Variants in GRIP1 observed in about 807,000 individuals in gnomAD.
The protein encoded by GRIP1 is glutamate receptor-interacting protein 1.
Under a neutral mutation model 129.9 loss-of-function variants are expected in GRIP1, and 45 were observed. The ratio of observed to expected loss-of-function variants is 0.35; its 90% CI spans 0.27 to 0.44. The LOEUF is 0.44. Ranked by LOEUF, GRIP1 falls within the 20% of genes least tolerant of loss-of-function variation. GRIP1 has a pLI of 1.00. For synonymous variants in GRIP1, 530 were observed against 520.8 expected (o/e 1.02, Z -0.24); for missense variants, 1,196 against 1,396.8 (o/e 0.86, Z 2.29).
At chr12:66,717,241 T>C (rs1592771936) in intron 1 of GRIP1, among the ~76,000 whole-genome samples, 1 of 152,152 alleles carries the variant, frequency 6.6e-6, no homozygotes, top group East Asian at 1.9e-4. Flanking sequence ...GAGGGCAGTA[T>C]GTACATGCCA....
At chr12:66,821,687 G>A (rs952257179) in intron 1 of GRIP1, among the ~76,000 whole-genome samples, 1 of 152,130 alleles carries the variant, frequency 6.6e-6, no homozygotes, top group Admixed American at 6.5e-5. Context: ...ACACTTCTGG[G>A]TTTTGGAAAC....
At chr12:66,658,392 C>T (rs1340060840) in intron 1 of GRIP1, among the ~76,000 whole-genome samples, 1 of 152,128 alleles carries the variant, frequency 6.6e-6, no homozygotes, top group African/African-American at 2.4e-5. Context: ...TCTTGTATTC[C>T]TGTAATCCAT....
chr12:66,506,871 A>G (rs935048452), intron 7 of GRIP1, among the ~76,000 whole-genome samples: 5 of 122,298 alleles, frequency 4.1e-5, no homozygotes, highest in African/African-American at 1.6e-4. Context: ...TTCTGCAAAA[A>G]TAAACCTTTT....
At chr12:66,549,151 A>G (rs2062042767) in intron 2 of GRIP1, among the ~76,000 whole-genome samples, 1 of 152,196 alleles carries the variant, frequency 6.6e-6, no homozygotes, top group Non-Finnish European at 1.5e-5. Context: ...TATCTCCAGC[A>G]TCTAGAATAG....
intron 19 of GRIP1, among the ~76,000 whole-genome samples, chr12:66,385,460 T>G (rs960281574): frequency 1.6e-4 from 25 of 151,984 alleles, no homozygotes; most frequent in Non-Finnish European, 1.5e-5. Flanking sequence ...CACTTGAACC[T>G]GGGAGGCAGA....
At chr12:66,761,340 C>T (rs1333376280) in intron 1 of GRIP1, among the ~76,000 whole-genome samples, 1 of 152,086 alleles carries the variant, frequency 6.6e-6, no homozygotes, top group Non-Finnish European at 1.5e-5. Flanking sequence ...CCATGTCCTC[C>T]AGCCAGAGCT....
chr12:66,769,583 A>G (rs1024104394), intron 1 of GRIP1, among the ~76,000 whole-genome samples: 3 of 152,132 alleles, frequency 2.0e-5, no homozygotes, highest in Non-Finnish European at 4.4e-5. Context: ...CCATTTTCAG[A>G]ACACATGTCT....
chr12:67,053,096 G>A (rs1351247499), intron 1 of GRIP1, among the ~76,000 whole-genome samples: 1 of 152,116 alleles, frequency 6.6e-6, no homozygotes, highest in East Asian at 1.9e-4. Flanking sequence ...AATCCATGAG[G>A]GGCCTTTGAT....
intron 1 of GRIP1, among the ~76,000 whole-genome samples, chr12:67,044,003 G>A (rs1322440431): frequency 6.6e-6 from 1 of 152,194 alleles, no homozygotes; most frequent in East Asian, 1.9e-4. Flanking sequence ...CCACCCACGG[G>A]TAAAGCTGAC....
rs758593628 is a variant in GRIP1, at chr12:66,369,340, CTTTTTTT to C, written c.3012+2347_3012+2353del. ...ACTTTTTTTTTCTTTTTAACAAGATCTTTTTTTTTTTTTTTTTTTTTTTTTAGCAGAG... is the reference window on the plus strand; with the variant it reads ...ACTTTTTTTTTCTTTTTAACAAGATCTTTTTTTTTTTTTTTTTTAGCAGAG... On this transcript the variant is annotated intron_variant, in intron 23 of 24. Transcript: ENST00000359742. 4.5e-3 allele frequency among the ~76,000 whole-genome samples: 485 copies of C among 106,762 alleles called. 5 individuals carry two copies. Among genetic ancestry groups the C allele is most frequent in the African/African-American group, 0.017 (435 of 25,794 alleles). The allele number at this position is 106,762 out of a possible 152,430, so 70.0% of individuals were successfully genotyped here. A position where few individuals can be genotyped will look rare whatever the true frequency, so the allele number is the denominator to read the frequency against.
chr12:66,485,933 T>A (rs1427920722), intron 7 of GRIP1, among the ~76,000 whole-genome samples: 1 of 152,116 alleles, frequency 6.6e-6, no homozygotes, highest in Non-Finnish European at 1.5e-5. Flanking sequence ...TACATATGTA[T>A]ATATGTGTGT....
chr12:66,822,184 A>G (rs556469114), intron 1 of GRIP1, among the ~76,000 whole-genome samples: 8 of 152,248 alleles, frequency 5.3e-5, no homozygotes, highest in Non-Finnish European at 1.2e-4. Flanking sequence ...GTAGAAGCAG[A>G]ATCCCTGGTA....
At chr12:66,586,400 T>C (rs11176289) in intron 2 of GRIP1, among the ~76,000 whole-genome samples, 37,379 of 152,052 alleles carry the variant, frequency 0.25, 4,735 homozygotes, top group Admixed American at 0.28. Context: ...TTCATATCTT[T>C]GGCTGAATCT....
At chr12:66,716,925 C>G (rs555074413) in intron 1 of GRIP1, among the ~76,000 whole-genome samples, 21 of 152,216 alleles carry the variant, frequency 1.4e-4, no homozygotes, top group African/African-American at 5.1e-4. Flanking sequence ...TTTAAGTGGT[C>G]TCCACTCTTC....
chr12:66,618,627 C>T (rs1016071132), intron 1 of GRIP1, among the ~76,000 whole-genome samples: 1 of 152,050 alleles, frequency 6.6e-6, no homozygotes, highest in East Asian at 1.9e-4. Flanking sequence ...CTTAAAATAT[C>T]TTTTGCAACT....
At chr12:67,044,519 T>G (rs2043224825) in intron 1 of GRIP1, among the ~76,000 whole-genome samples, 1 of 152,194 alleles carries the variant, frequency 6.6e-6, no homozygotes, top group African/African-American at 2.4e-5. Context: ...CCCTTAAAAA[T>G]CTTTGAAAGA....
At chr12:66,625,099 A>G (rs1172210970) in intron 1 of GRIP1, among the ~76,000 whole-genome samples, 1 of 152,056 alleles carries the variant, frequency 6.6e-6, no homozygotes, top group Non-Finnish European at 1.5e-5. Context: ...AGGAAGAGAC[A>G]TATGTTATTA....
chr12:66,384,871 A>T (rs1007968137), intron 19 of GRIP1, among the ~76,000 whole-genome samples: 1 of 152,246 alleles, frequency 6.6e-6, no homozygotes, highest in African/African-American at 2.4e-5. Flanking sequence ...GAAAATCTTC[A>T]AATCAGCTAA....
At chr12:66,730,701 CAAAAA>C (rs3051132) in intron 1 of GRIP1, among the ~76,000 whole-genome samples, 1 of 71,188 alleles carries the variant, frequency 1.4e-5, no homozygotes, top group Non-Finnish European at 2.7e-5. Context: ...GGGTCATCTA[CAAAAA>C]AAAAAAAAAA....
Sources: allele counts gnomAD v4.1 joint callset (sites outside exome capture counted in the v4.1 genomes callset), GRCh38; gene constraint gnomAD v4.1.1; transcripts MANE v1.5; gene names NCBI Gene and HGNC (gene_info 2026-07-23, HGNC 2026-07-21).